Variants in CYP4F12 observed in about 807,000 individuals in gnomAD.
CYP4F12 encodes the protein cytochrome P450 4F12.
Under a neutral mutation model 56.5 loss-of-function variants are expected in CYP4F12, and 60 were observed. That is an observed-to-expected ratio of 1.06 (90% confidence interval 0.86 to 1.32). CYP4F12 has a LOEUF of 1.32. Among genes scored for constraint, CYP4F12 ranks in the 40% most tolerant of loss-of-function variants. CYP4F12 has a pLI of 0.00. For synonymous variants in CYP4F12, 263 were observed against 264.9 expected (o/e 0.99, Z 0.07); for missense variants, 711 against 683.5 (o/e 1.04, Z -0.45).
intron 2 of CYP4F12, among the ~76,000 whole-genome samples, chr19:15,675,483 C>T (rs897189732): frequency 5.3e-5 from 8 of 152,200 alleles, no homozygotes; most frequent in African/African-American, 1.9e-4. Flanking sequence ...AACCAGGACA[C>T]AAAAGGATAT....
chr19:15,677,192 C>T (rs1413920870), intron 2 of CYP4F12, among the ~76,000 whole-genome samples: 1 of 136,026 alleles, frequency 7.4e-6, no homozygotes, highest in African/African-American at 2.8e-5. Flanking sequence ...AATACCAACT[C>T]ACTCATTCCT....
intron 1 of CYP4F12, 158 bp from the exon 2 acceptor site, chr19:15,673,371 G>C: frequency 1.3e-6 from 1 of 796,094 alleles, no homozygotes; most frequent in Non-Finnish European, 2.0e-6. Flanking sequence ...GTTGGTTTTG[G>C]TTGGGACTTT....
In CYP4F12 at chr19:15,687,133, C is replaced by T. The variant is rs537404755; in HGVS notation, c.1115+1936C>T. On this transcript the variant is annotated intron_variant, in intron 9 of 12. Transcript: ENST00000550308. ...TCTACTAAAAGTATAAAAAATTAGC[C>T]GGGCGTGATGGCAGGTGCCTGTAGT... 1.6e-4 allele frequency among the ~76,000 whole-genome samples: 25 copies of T among 152,172 alleles called. No homozygotes were observed. In the South Asian group the frequency reaches 2.3e-3, roughly 14 times the overall value.
chr19:15,683,523 G>C lies in CYP4F12; in HGVS notation c.678G>C (p.Leu226Phe). Residue 226 changes from leucine to phenylalanine, a missense_variant, in exon 7 of 13, where the codon TTG (leucine) becomes TTC (phenylalanine). Physicochemically the swap from Leu to Phe is conservative, Grantham distance 22 (BLOSUM62 0). Transcript: ENST00000550308. ...CCAGTGAATATATTGCCACCATCTT[G>C]GAGCTCAGTGCCCTTGTAGAGAAAA... ...ERPSEYIATILELSALVEKRS... is the reference protein window; with the variant it reads ...ERPSEYIATIFELSALVEKRS... 6.2e-7 allele frequency: 1 copy of C among 1,608,806 alleles called. No individual in the cohort carries two copies. Among genetic ancestry groups the C allele is most frequent in the Non-Finnish European group, 8.5e-7 (1 of 1,177,976 alleles).
At chr19:15,690,138 A>T (rs2007806699) in intron 9 of CYP4F12, among the ~76,000 whole-genome samples, 1 of 152,226 alleles carries the variant, frequency 6.6e-6, no homozygotes, top group East Asian at 1.9e-4. Context: ...CTGCACATTA[A>T]CAATATATCT....
At chr19:15,696,252 C>T (rs687774) in intron 11 of CYP4F12, 27 bp downstream of exon 11, 397,923 of 1,613,270 alleles carry the variant, frequency 0.25, 51,485 homozygotes, top group African/African-American at 0.4. Flanking sequence ...TCACCACCAC[C>T]ACCCCCATCC....
chr19:15,677,464 C>T (rs200195423), intron 2 of CYP4F12, among the ~76,000 whole-genome samples: 441 of 2,786 alleles, frequency 0.16, 216 homozygotes, highest in East Asian at 1. Flanking sequence ...ATTCCTCTAC[C>T]CACTCACTCA....
chr19:15,686,372 G>C (rs897403642), intron 9 of CYP4F12, among the ~76,000 whole-genome samples: 4 of 152,124 alleles, frequency 2.6e-5, no homozygotes, highest in African/African-American at 9.7e-5. Context: ...TAGTGCCCTA[G>C]GTCAAAAAGA....
intron 9 of CYP4F12, among the ~76,000 whole-genome samples, chr19:15,695,503 TAAA>T (rs71176772): frequency 2.7e-5 from 3 of 112,682 alleles, no homozygotes; most frequent in African/African-American, 8.9e-5. Flanking sequence ...ATAATAATAA[TAAA>T]AAAAAAAAAA....
intron 7 of CYP4F12, 75 bp downstream of exon 7, chr19:15,683,838 T>C: frequency 2.0e-6 from 3 of 1,484,246 alleles, no homozygotes; most frequent in Non-Finnish European, 2.7e-6. Context: ...ATAAATTGGT[T>C]TTGATCCAAA....
At chr19:15,696,546 A>AT in intron 12 of CYP4F12, 34 bp downstream of exon 12, 3 of 1,604,380 alleles carry the variant, frequency 1.9e-6, no homozygotes. Context: ...CAGGGATGGG[A>AT]TGATGGGTGC....
Position 15,685,393 on chromosome 19 carries a change from C to T in CYP4F12, c.1115+196C>T, listed in dbSNP as rs547043152. Among the ~76,000 whole-genome samples, 94 of 152,234 alleles carry T rather than the reference C, an allele frequency of 6.2e-4. 1 individual carries two copies. Among genetic ancestry groups the T allele is most frequent in the Non-Finnish European group, 1.2e-3 (83 of 68,018 alleles). On this transcript the variant is annotated intron_variant, in intron 9 of 12. Coordinates refer to ENST00000550308, the MANE Select transcript of CYP4F12 (RefSeq NM_023944.4). Reference sequence around the variant, plus strand: ...TGCAGGCCTTTAGGACCGAAAGACCCGGGCTGCTAAGAGAATTGGTGACAA... The same window carrying T: ...TGCAGGCCTTTAGGACCGAAAGACCTGGGCTGCTAAGAGAATTGGTGACAA...
At chr19:15,691,837 C>T (rs2007884836) in intron 9 of CYP4F12, among the ~76,000 whole-genome samples, 1 of 152,078 alleles carries the variant, frequency 6.6e-6, no homozygotes, top group South Asian at 2.1e-4. Context: ...TTTTGTGGGG[C>T]TTCCTTTGGC....
intron 5 of CYP4F12, 73 bp from the exon 6 acceptor site, chr19:15,682,316 C>T: frequency 6.3e-7 from 1 of 1,584,328 alleles, no homozygotes; most frequent in Non-Finnish European, 8.6e-7. Flanking sequence ...GGAGTCCATC[C>T]TGATGTTTGG....
chr19:15,673,360 T>G, intron 1 of CYP4F12, 169 bp from the exon 2 acceptor site: 1 of 695,544 alleles, frequency 1.4e-6, no homozygotes, highest in Non-Finnish European at 2.4e-6. Flanking sequence ...GCCACTTAGT[T>G]GTTGGTTTTG....
chr19:15,697,151 C>T lies in CYP4F12; in HGVS notation c.*66C>T, dbSNP rs370544796. ...AATAAAACGGTGCTGTCACCTCTGC[C>T]TGGGCCTCACTGACAGCCTGCAGGG... is the stretch of plus-strand genomic sequence containing the variant. On this transcript the variant is annotated 3_prime_UTR_variant, in exon 13 of 13. Coordinates refer to ENST00000550308, the MANE Select transcript of CYP4F12 (RefSeq NM_023944.4). The T allele has an allele frequency of 1.9e-4, 301 of 1,546,898 alleles. No individual in the cohort carries two copies. In the African/African-American group the frequency reaches 3.6e-3, roughly 18 times the overall value.
At chr19:15,678,451 G>A in intron 3 of CYP4F12, 46 bp downstream of exon 3, 2 of 1,611,666 alleles carry the variant, frequency 1.2e-6, no homozygotes, top group Non-Finnish European at 1.7e-6. Flanking sequence ...CCAAGCTTCT[G>A]TGTGGTCTCT....
chr19:15,678,979 A>G (rs1432850692), intron 3 of CYP4F12, among the ~76,000 whole-genome samples: 1 of 152,002 alleles, frequency 6.6e-6, no homozygotes, highest in Non-Finnish European at 1.5e-5. Context: ...TCATCCTATC[A>G]CTCATCCACC....
In CYP4F12 at chr19:15,678,351, C is replaced by T; in HGVS notation, c.289C>T (p.Pro97Ser). ...TACGGTATGGCTGGGTCCCATCATCCCCTTCATCGTTTTATGCCACCCTGA... is the reference window on the plus strand; with the variant it reads ...TACGGTATGGCTGGGTCCCATCATCTCCTTCATCGTTTTATGCCACCCTGA... ...GFTVWLGPII[P>S]FIVLCHPDTI... Residue 97 changes from proline (P) to serine (S), a missense_variant, in exon 3 of 13, where the codon CCC (proline) becomes TCC (serine). Transcript: ENST00000550308. The T allele has an allele frequency of 4.3e-6, 7 of 1,614,174 alleles. No homozygotes were observed. The highest frequency in any genetic ancestry group is 5.9e-6 in the Non-Finnish European group (7 of 1,180,034).
Sources: allele counts gnomAD v4.1 joint callset (sites outside exome capture counted in the v4.1 genomes callset), GRCh38; gene constraint gnomAD v4.1.1; transcripts MANE v1.5; gene names NCBI Gene and HGNC (gene_info 2026-07-23, HGNC 2026-07-21).